The following ODF2 variants were observed in gnomAD, a reference collection of about 807,000 sequenced individuals.
ODF2 encodes outer dense fiber protein 2.
Under a neutral mutation model 110.2 loss-of-function variants are expected in ODF2, and 47 were observed. The observed-to-expected ratio is 0.43, with a 90% CI of 0.34 to 0.54. The LOEUF (loss-of-function observed/expected upper bound fraction) is 0.54, where lower values mean the gene tolerates loss of function less well. ODF2 is among the 20% of genes least tolerant of loss of function. The pLI is 0.03. For missense variants in ODF2, 812 were observed against 1,054.5 expected (o/e 0.77, Z 3.19); for synonymous variants, 352 against 397.7 (o/e 0.89, Z 1.37).
rs1352319727 is a variant in ODF2 at position 128,494,479 on chromosome 9, C to A, written c.1753-31C>A. ...AGGTCTTTCCTAACTGTGGGTCTTT[C>A]CTTCCTGTGGGTCTTTCCTTCCTGT... On this transcript the variant is annotated intron_variant, in intron 16 of 20. Coordinates refer to ENST00000604420, the Ensembl canonical transcript of ODF2. This position sits in a 1 kb window ranked among gnomAD's most constrained non-coding sequence, Gnocchi z 4.6. 5.0e-6 allele frequency: 8 copies of A among 1,602,174 alleles called. No homozygotes were observed. The highest frequency in any genetic ancestry group is 6.0e-6 in the Non-Finnish European group (7 of 1,170,544).
chr9:128,474,086 G>A (rs922691035), intron 8 of ODF2, among the ~76,000 whole-genome samples: 2 of 152,158 alleles, frequency 1.3e-5, no homozygotes, highest in South Asian at 2.1e-4. Context: ...CAAATCGTGT[G>A]GTCTCATTTT....
chr9:128,466,625 G>T (rs1381539225), intron 4 of ODF2, among the ~76,000 whole-genome samples: 2 of 149,448 alleles, frequency 1.3e-5, no homozygotes, highest in Admixed American at 6.7e-5. Flanking sequence ...ATCACAAGGA[G>T]TAAGTAGTCA....
At chr9:128,482,660 G>T (rs1464853794) in intron 9 of ODF2, among the ~76,000 whole-genome samples, 156 bp from the exon 10 acceptor site, 1 of 152,118 alleles carries the variant, frequency 6.6e-6, no homozygotes, top group Non-Finnish European at 1.5e-5. Flanking sequence ...ATGTTTTAAT[G>T]CATATGTTAG....
intron 5 of ODF2, among the ~76,000 whole-genome samples, chr9:128,470,422 G>A (rs913136141): frequency 2.6e-5 from 4 of 151,812 alleles, no homozygotes; most frequent in Non-Finnish European, 2.9e-5. Context: ...CTTGAGGTCA[G>A]GAGTTCAAGA....
chr9:128,499,939 C>T (rs778578092), intron 20 of ODF2, 128 bp from the exon 21 acceptor site: 72 of 822,446 alleles, frequency 8.8e-5, no homozygotes, highest in Admixed American at 1.6e-4. Flanking sequence ...AAACCCCATA[C>T]CCATTAGAAG....
rs1243620413 is a variant in ODF2, at chr9:128,469,409, C to G, written c.420+56C>G. ...TACCCTGAGGATGTGCAGGAGCACCCAGGTGGATTTCCTGCCTGGTCCCTC... is the reference window on the plus strand; with the variant it reads ...TACCCTGAGGATGTGCAGGAGCACCGAGGTGGATTTCCTGCCTGGTCCCTC... On this transcript the variant is annotated intron_variant, in intron 5 of 20. Transcript: ENST00000604420. 7.0e-6 allele frequency: 11 copies of G among 1,572,790 alleles called. No individual in the cohort carries two copies. The African/African-American group carries it at 1.5e-4, about 21-fold the overall frequency.
At chr9:128,492,520 A>C (rs1375368736) in exon 15 of ODF2, 1 of 1,613,204 alleles carries the variant, frequency 6.2e-7, no homozygotes, top group South Asian at 1.1e-5. Context: ...GGGATGATTG[A>C]CAACTATAAG....
intron 17 of ODF2, among the ~76,000 whole-genome samples, chr9:128,495,677 A>G (rs1310165710): frequency 6.6e-6 from 1 of 152,186 alleles, no homozygotes; most frequent in Non-Finnish European, 1.5e-5. Flanking sequence ...CCAGCAACAT[A>G]ACAGGTAAAG....
chr9:128,483,280 C>A (rs1441272564), intron 10 of ODF2, among the ~76,000 whole-genome samples: 1 of 152,102 alleles, frequency 6.6e-6, no homozygotes, highest in Non-Finnish European at 1.5e-5. Context: ...GGTGCAGTAG[C>A]TCATGTCTGG....
intron 9 of ODF2, among the ~76,000 whole-genome samples, 181 bp downstream of exon 9, chr9:128,481,832 T>C (rs112911764): frequency 7.0e-6 from 1 of 143,744 alleles, no homozygotes; most frequent in African/African-American, 2.8e-5. Context: ...TAGGCTTGTC[T>C]AGTTAGTTAC....
exon 21 of ODF2, chr9:128,500,139 A>T (rs1480323557): frequency 1.2e-6 from 2 of 1,614,276 alleles, no homozygotes; most frequent in South Asian, 2.2e-5. Flanking sequence ...CACCAACCGC[A>T]GCATGCAGAA....
intron 5 of ODF2, among the ~76,000 whole-genome samples, chr9:128,471,019 C>T (rs546892343): frequency 5.5e-4 from 83 of 151,960 alleles, no homozygotes; most frequent in South Asian, 3.9e-3. Flanking sequence ...GTTCAGGCGA[C>T]TCTCTTGCTT....
chr9:128,484,072 A>T lies in ODF2; in HGVS notation c.1104+18A>T. The T allele has an allele frequency of 6.4e-7, 1 of 1,566,662 alleles. No homozygotes were observed. Among genetic ancestry groups the T allele is most frequent in the Non-Finnish European group, 8.7e-7 (1 of 1,143,884 alleles). On this transcript the variant is annotated intron_variant, in intron 11 of 20. Coordinates refer to ENST00000604420, the Ensembl canonical transcript of ODF2. ...AGATTAAGGTACCTATTGGCCCCAC[A>T]AGTGGGGAAAGAGGAGGCAAGGGCC...
chr9:128,483,914 A>G (rs1191667635), intron 10 of ODF2, 24 bp from the exon 11 acceptor site: 3 of 1,542,082 alleles, frequency 1.9e-6, no homozygotes, highest in African/African-American at 1.4e-5. Context: ...TTGTGCCTCC[A>G]TCACTTTTTC....
rs1455286792 is a variant in ODF2, at chr9:128,469,169, C to T, written c.250-14C>T. The T allele has an allele frequency of 6.2e-7, 1 of 1,612,260 alleles. No individual in the cohort carries two copies. The highest frequency in any genetic ancestry group is 1.3e-5 in the African/African-American group (1 of 75,010). The stretch of plus-strand genomic sequence containing the variant: ...GCCTTCTGAGTTCATGTGTTTCTCC[C>T]TCCTCTACATCAGAATCCACCTCAT... On this transcript the variant is annotated splice_polypyrimidine_tract_variant and intron_variant, in intron 4 of 20. Coordinates refer to ENST00000604420, the Ensembl canonical transcript of ODF2.
chr9:128,492,888 CTTTGACCCTACCTGA>C (rs1272416664), intron 16 of ODF2, 83 bp downstream of exon 16: 1 of 1,244,784 alleles, frequency 8.0e-7, no homozygotes, highest in Non-Finnish European at 1.1e-6. Flanking sequence ...CCTTGTTTGC[CTTTGACCCTACCTGA>C]TTTGGGCAAC....
rs1588705740 is a variant in ODF2, at chr9:128,461,125, C to G, written c.249+58C>G. On this transcript the variant is annotated intron_variant, in intron 4 of 20. Transcript: ENST00000604420. ...GGACTGCTCAGATCCTAGCAGGCCTCAGCCTCGGTATGATTCAGGGTCAGC... is the reference window on the plus strand; with the variant it reads ...GGACTGCTCAGATCCTAGCAGGCCTGAGCCTCGGTATGATTCAGGGTCAGC... 4 of 1,580,236 alleles carry G rather than the reference C, an allele frequency of 2.5e-6. No individual in the cohort carries two copies. The East Asian group carries it at 9.3e-5, about 37-fold the overall frequency.
At chr9:128,458,314 C>A (rs1025505943) in intron 2 of ODF2, among the ~76,000 whole-genome samples, 8 of 152,084 alleles carry the variant, frequency 5.3e-5, no homozygotes, top group Non-Finnish European at 1.0e-4. Flanking sequence ...ATTAGCTGGG[C>A]ATGGTGGCAC....
chr9:128,494,253 CT>C lies in ODF2; in HGVS notation c.1753-256del, dbSNP rs1320957768. The stretch of plus-strand genomic sequence containing the variant: ...AAATGAGCAAGTGTGCAGAGAGCCC[CT>C]GGTACAATGCCTGGGTCTTGGTGTT... On this transcript the variant is annotated intron_variant, in intron 16 of 20. Coordinates refer to ENST00000604420, the Ensembl canonical transcript of ODF2. This position sits in a 1 kb window ranked among gnomAD's most constrained non-coding sequence, Gnocchi z 4.6. 2.0e-5 allele frequency among the ~76,000 whole-genome samples: 3 copies of C among 152,202 alleles called. No individual in the cohort carries two copies. The highest frequency in any genetic ancestry group is 7.2e-5 in the African/African-American group (3 of 41,448).
Sources: gnomAD v4.1 joint callset for allele counts (sites outside exome capture counted in the v4.1 genomes callset) on GRCh38, gnomAD v4.1.1 for gene constraint, Gnocchi (gnomAD v3.1) non-coding constraint, MANE v1.5 for transcripts, NCBI Gene and HGNC (gene_info 2026-07-23, HGNC 2026-07-21) for gene names.